The following TMEM63A variants were observed in gnomAD, a reference collection of about 807,000 sequenced individuals.
The protein encoded by TMEM63A is transmembrane protein 63A, also known as mechanosensitive cation channel TMEM63A.
Under a neutral mutation model 100.6 loss-of-function variants are expected in TMEM63A, and 76 were observed. That is an observed-to-expected ratio of 0.76 (90% CI 0.63 to 0.91). The LOEUF is 0.91. TMEM63A is among the 40% of genes least tolerant of loss of function. The pLI is 0.00. For synonymous variants in TMEM63A, 401 were observed against 401.1 expected (o/e 1.00, Z 0.00); for missense variants, 876 against 1,008.8 (o/e 0.87, Z 1.78).
At position 225,866,596 on chromosome 1, in the gene TMEM63A, A is replaced by G; in HGVS notation, c.653T>C (p.Ile218Thr). ...VGFMRHHTQSIKYKEENLVRR... is the reference protein window; with the variant it reads ...VGFMRHHTQSTKYKEENLVRR... ...CACCAGGTTCTCCTCTTTGTACTTA[A>G]TGGACTGAGTGTGGTGCCGCATGAA... is the stretch of plus-strand genomic sequence containing the variant. Residue 218 changes from isoleucine (I) to threonine (T), a missense_variant, in exon 9 of 25, where the codon ATT becomes ACT. This residue lies in a region of TMEM63A where 487 missense variants were observed against 581.9 expected (regional missense o/e 0.84). Transcript: ENST00000366835. 6.2e-7 allele frequency: 1 copy of G among 1,613,884 alleles called. No homozygotes were observed. The highest frequency in any genetic ancestry group is 1.3e-5 in the African/African-American group (1 of 74,996).
chr1:225,842,330 G>A (rs768061548), downstream of TMEM63A: 2 of 1,458,540 alleles, frequency 1.4e-6, no homozygotes, highest in Non-Finnish European at 1.9e-6. Context: ...TGGTCCCCAG[G>A]CCTGAGTCTC....
intron 6 of TMEM63A, among the ~76,000 whole-genome samples, 189 bp downstream of exon 6, chr1:225,870,887 C>T (rs1219578263): frequency 6.6e-6 from 1 of 152,202 alleles, no homozygotes; most frequent in East Asian, 1.9e-4. Flanking sequence ...CCTTCCTCTG[C>T]CCCTGACCCC....
chr1:225,849,985 G>A lies in TMEM63A; in HGVS notation c.1998C>T (p.Ala666=), dbSNP rs369765027. ...GGGCTGCCAAGGCCTGGTTCACAGCGGCAAAGTGGATCCCCTTCTCCAGCT... is the reference window on the plus strand; with the variant it reads ...GGGCTGCCAAGGCCTGGTTCACAGCAGCAAAGTGGATCCCCTTCTCCAGCT... ...PAKLEKGIHF[A]AVNQALAAPI... is the part of the protein sequence containing the mutation. The change falls in exon 21 of 25, where the codon GCC becomes GCT. Residue 666 remains alanine, a synonymous_variant. Transcript: ENST00000366835. 5.0e-5 allele frequency: 80 copies of A among 1,614,106 alleles called. No homozygotes were observed. The highest frequency in any genetic ancestry group is 2.0e-4 in the African/African-American group (15 of 74,936).
rs760576698 is a variant in TMEM63A, at chr1:225,872,055, T to A, written c.267-2A>T. 11 of 1,594,234 alleles carry A rather than the reference T, an allele frequency of 6.9e-6. No individual in the cohort carries two copies. The highest frequency in any genetic ancestry group is 8.5e-6 in the Non-Finnish European group (10 of 1,172,152). The stretch of plus-strand genomic sequence containing the variant: ...GACAATCTCTGAAATCTGGACTCGC[T>A]AGAGACACAAAAAGAAAAAAAATGA... On this transcript the variant is annotated splice_acceptor_variant, in intron 4 of 24. Coordinates refer to ENST00000366835, the MANE Select transcript of TMEM63A (RefSeq NM_014698.3). LOFTEE classifies it high-confidence loss of function.
Position 225,853,503 on chromosome 1 carries a change from G to A in TMEM63A, c.1797+126C>T, listed in dbSNP as rs1287673062. The A allele has an allele frequency of 4.0e-6, 4 of 1,009,202 alleles. No homozygotes were observed. Among genetic ancestry groups the A allele is most frequent in the East Asian group, 2.8e-5 (1 of 35,466 alleles). 62.5% of individuals were successfully genotyped at this position (1,009,202 alleles called of 1,614,324 possible). ...TTGAGAAGCACTTAGCCCAGTGCCT[G>A]CACTAGTGGGTAGTCAGGTAAATGC... On this transcript the variant is annotated intron_variant, in intron 19 of 24. Transcript: ENST00000366835. This position sits in a 1 kb window ranked among gnomAD's most constrained non-coding sequence, Gnocchi z 4.0.
chr1:225,863,780 G>C (rs938169449), intron 10 of TMEM63A, among the ~76,000 whole-genome samples: 1 of 151,894 alleles, frequency 6.6e-6, no homozygotes, highest in Non-Finnish European at 1.5e-5. Context: ...AGCCAGGTGT[G>C]GTGGCACACA....
At chr1:225,874,579 G>A (rs1341772338) in intron 3 of TMEM63A, among the ~76,000 whole-genome samples, 1 of 152,206 alleles carries the variant, frequency 6.6e-6, no homozygotes, top group Admixed American at 6.5e-5. Context: ...TGTCACCTGT[G>A]CCCACGCCAC....
intron 10 of TMEM63A, among the ~76,000 whole-genome samples, chr1:225,863,645 G>A (rs934129433): frequency 2.6e-5 from 4 of 152,042 alleles, no homozygotes; most frequent in African/African-American, 7.2e-5. Flanking sequence ...GGCCAGGTGC[G>A]GTGGCTCATG....
chr1:225,856,955 G>T lies in TMEM63A; in HGVS notation c.1440C>A (p.Pro480=). 6.2e-7 allele frequency: 1 copy of T among 1,603,934 alleles called. No homozygotes were observed. The highest frequency in any genetic ancestry group is 8.5e-7 in the Non-Finnish European group (1 of 1,177,382). ...LLLWSFSALL[P]SIVYYSTLLE... The stretch of plus-strand genomic sequence containing the variant: ...GCAGTGTAGAGTAGTAGACAATGGA[G>T]GGGAGCAGGGCCGAGAAGGACCAGA... Residue 480 remains proline, a synonymous_variant, in exon 16 of 25, where the codon CCC becomes CCA. Coordinates refer to ENST00000366835, the MANE Select transcript of TMEM63A (RefSeq NM_014698.3).
In TMEM63A at chr1:225,862,279, C is replaced by T. The variant is rs772977492; in HGVS notation, c.1024G>A (p.Val342Ile). 29 of 1,614,046 alleles carry T rather than the reference C, an allele frequency of 1.8e-5. No homozygotes were observed. Among genetic ancestry groups the T allele is most frequent in the East Asian group, 2.2e-5 (1 of 44,890 alleles). Residue 342 changes from valine to isoleucine, a missense_variant, in exon 13 of 25, where the codon GTC becomes ATC. Val to Ile is a conservative substitution (Grantham distance 29). This residue lies in a region of TMEM63A where 487 missense variants were observed against 581.9 expected (regional missense o/e 0.84). Coordinates refer to ENST00000366835, the MANE Select transcript of TMEM63A (RefSeq NM_014698.3). The surrounding 1 kb of genome is among the most constrained non-coding windows in gnomAD (Gnocchi z 5.1). ...GCCATTCCCAGGGGCTGGTCCTGGACGTGGCGTTCTTCCTCTGTGATCCTC... is the reference window on the plus strand; with the variant it reads ...GCCATTCCCAGGGGCTGGTCCTGGATGTGGCGTTCTTCCTCTGTGATCCTC... ...LERITEEERHVQDQPLGMAFV... is the reference protein window; with the variant it reads ...LERITEEERHIQDQPLGMAFV...
chr1:225,882,264 A>AG (rs1471909012), intron 1 of TMEM63A, 40 bp downstream of exon 1: 1 of 144,694 alleles, frequency 6.9e-6, no homozygotes, highest in African/African-American at 2.4e-5. Context: ...GGAAAGGCGG[A>AG]GGGTGCATTG....
At chr1:225,869,811 C>T (rs535913146) in intron 6 of TMEM63A, among the ~76,000 whole-genome samples, 410 of 151,430 alleles carry the variant, frequency 2.7e-3, no homozygotes, top group Admixed American at 5.8e-3. Context: ...TACAGGCACC[C>T]GCCACCAAGC....
chr1:225,873,475 G>A (rs1670623417), intron 4 of TMEM63A, among the ~76,000 whole-genome samples: 1 of 152,060 alleles, frequency 6.6e-6, no homozygotes, highest in South Asian at 2.1e-4. Flanking sequence ...AGCCCCTCTG[G>A]GGCTCTGGGT....
At chr1:225,858,265 A>G (rs1296669710) in intron 15 of TMEM63A, among the ~76,000 whole-genome samples, 1 of 151,350 alleles carries the variant, frequency 6.6e-6, no homozygotes, top group Non-Finnish European at 1.5e-5. Context: ...CTGTTATCTC[A>G]TTGATTCATC....
intron 1 of TMEM63A, among the ~76,000 whole-genome samples, chr1:225,881,539 G>C (rs1006252977): frequency 2.0e-5 from 3 of 152,180 alleles, no homozygotes; most frequent in African/African-American, 7.2e-5. Flanking sequence ...GGAGAGGGGC[G>C]TGTGAAGGGA....
At chr1:225,863,961 C>T (rs1026335124) in intron 10 of TMEM63A, 1 of 145,066 alleles carries the variant, frequency 6.9e-6, no homozygotes, top group Non-Finnish European at 1.5e-5. Flanking sequence ...TACATACTCA[C>T]TATTGACCAG....
intron 3 of TMEM63A, among the ~76,000 whole-genome samples, chr1:225,876,822 T>A (rs1670829553): frequency 6.6e-6 from 1 of 152,098 alleles, no homozygotes; most frequent in African/African-American, 2.4e-5. Flanking sequence ...TAATTTTTTG[T>A]ATTTTTAGTA....
intron 3 of TMEM63A, among the ~76,000 whole-genome samples, chr1:225,877,020 G>A (rs1309015259): frequency 2.0e-5 from 3 of 152,134 alleles, no homozygotes; most frequent in Admixed American, 6.6e-5. Flanking sequence ...AACTGCAGCT[G>A]CTCTATTCTA....
intron 20 of TMEM63A, among the ~76,000 whole-genome samples, chr1:225,852,346 C>G (rs1053830695): frequency 2.0e-5 from 3 of 152,152 alleles, no homozygotes; most frequent in Admixed American, 1.3e-4. Flanking sequence ...GTTAGGCAGG[C>G]ATGGTGGCGG....
Sources: gnomAD v4.1 joint callset for allele counts (sites outside exome capture counted in the v4.1 genomes callset) on GRCh38, gnomAD v4.1.1 for gene constraint, gnomAD v4.1.1 regional missense constraint, Gnocchi (gnomAD v3.1) non-coding constraint, MANE v1.5 for transcripts, NCBI Gene and HGNC (gene_info 2026-07-23, HGNC 2026-07-21) for gene names.